TIAM1: variants seen among roughly 807,000 people sequenced by gnomAD.
TIAM1 encodes TIAM Rac1 associated GEF 1.
In TIAM1, 65 loss-of-function variants were observed where a neutral mutation model predicts 163.5. The observed-to-expected ratio is 0.40, with a 90% CI of 0.33 to 0.49. The LOEUF (loss-of-function observed/expected upper bound fraction) is 0.49, where lower values mean the gene tolerates loss of function less well. Among genes scored for constraint, TIAM1 ranks in the 20% least tolerant of loss-of-function variants. The pLI is 0.77. For synonymous variants in TIAM1, 833 were observed against 810.1 expected, an observed-to-expected ratio of 1.03 and a Z score of -0.48; for missense variants, 1,789 against 2,044.7, an observed-to-expected ratio of 0.87 and a Z score of 2.41.
In TIAM1 at chr21:31,245,606, C is replaced by T; in HGVS notation, c.1466G>A (p.Ser489Asn). ...SDGRSGIDHN[S>N]IPKHAVWVEN... ...CACCCAGACGGCGTGTTTGGGGATG[C>T]TGTTGTGGTCTATCCCAGACCTGCC... The change falls in exon 6 of 28, where the codon AGC becomes AAC. Residue 489 changes from serine to asparagine, a missense_variant. Ser to Asn is a conservative substitution (Grantham distance 46). Coordinates refer to ENST00000541036, the MANE Select transcript of TIAM1 (RefSeq NM_001353694.2). The T allele has an allele frequency of 6.2e-7, 1 of 1,605,968 alleles. No individual in the cohort carries two copies. Among genetic ancestry groups the T allele is most frequent in the Admixed American group, 1.7e-5 (1 of 58,800 alleles).
chr21:31,123,349 T>C (rs2082070171), intron 27 of TIAM1, among the ~76,000 whole-genome samples: 1 of 152,174 alleles, frequency 6.6e-6, no homozygotes, highest in Non-Finnish European at 1.5e-5. Context: ...AAGTGAGTTA[T>C]AAAGGACCAA....
intron 2 of TIAM1, among the ~76,000 whole-genome samples, chr21:31,423,091 T>C (rs1202231326): frequency 1.0e-3 from 3 of 2,906 alleles, no homozygotes; most frequent in African/African-American, 5.9e-3. Flanking sequence ...CAGCACTATC[T>C]TTTTTTTTTT....
rs2044542575 is a variant in TIAM1 at position 31,444,432 on chromosome 21, T to C, written c.-369+19551A>G. Among the ~76,000 whole-genome samples the C allele has an allele frequency of 2.0e-5, 3 of 151,548 alleles. No homozygotes were observed. The South Asian group carries it at 6.3e-4, about 32-fold the overall frequency. ...GGGTGAAATATCTAGAATGCCACGA[T>C]GGTTTTTAAGCATAAGGGGTTGGAT... is the stretch of plus-strand genomic sequence containing the variant. On this transcript the variant is annotated intron_variant, in intron 2 of 28. Coordinates refer to the TIAM1 transcript ENST00000286827.
At position 31,181,951 on chromosome 21, in the gene TIAM1, A is replaced by ATT. The variant is rs200013783; in HGVS notation, c.2887+468_2887+469dup. ...AGATGCTCTCCACTATGCCCAGCTC[A>ATT]TTTTTTTTTTTTTGGAGAGATAGAG... On this transcript the variant is annotated intron_variant, in intron 15 of 27. Transcript: ENST00000541036. Among the ~76,000 whole-genome samples the ATT allele has an allele frequency of 4.4e-3, 616 of 138,842 alleles. 5 individuals are homozygous for ATT. The highest frequency in any genetic ancestry group is 7.5e-3 in the Middle Eastern group (2 of 268). 91.1% of individuals were successfully genotyped at this position (138,842 alleles called of 152,430 possible).
chr21:31,255,569 C>A (rs2072052837), intron 4 of TIAM1, among the ~76,000 whole-genome samples: 1 of 152,198 alleles, frequency 6.6e-6, no homozygotes, highest in Non-Finnish European at 1.5e-5. Context: ...TGTAAACCTC[C>A]CCAGTCTTCC....
intron 1 of TIAM1, among the ~76,000 whole-genome samples, chr21:31,343,497 T>A (rs78500485): frequency 6.6e-6 from 1 of 152,084 alleles, no homozygotes; most frequent in Non-Finnish European, 1.5e-5. Context: ...TTTAAAAAAA[T>A]GATCCAGATA....
chr21:31,482,903 C>T (rs2046160902), intron 1 of TIAM1, among the ~76,000 whole-genome samples: 1 of 152,160 alleles, frequency 6.6e-6, no homozygotes, highest in Non-Finnish European at 1.5e-5. Flanking sequence ...AGCTACTGTG[C>T]CAGGCCCTGG....
intron 2 of TIAM1, chr21:31,463,878 A>G (rs2147355672): frequency 6.6e-6 from 1 of 152,182 alleles, no homozygotes; most frequent in Non-Finnish European, 1.5e-5. Context: ...GGGCTAGATA[A>G]TAGACAAATA....
intron 1 of TIAM1, among the ~76,000 whole-genome samples, chr21:31,473,526 GT>G (rs10707169): frequency 0.7 from 100,497 of 143,484 alleles, 34,998 homozygotes; most frequent in African/African-American, 0.73. Context: ...GGTTAATTTT[GT>G]TTTTTTTTGC....
intron 1 of TIAM1, among the ~76,000 whole-genome samples, chr21:31,521,888 T>G (rs2047607391): frequency 6.6e-6 from 1 of 152,130 alleles, no homozygotes; most frequent in African/African-American, 2.4e-5. Flanking sequence ...TTCTTTTTTT[T>G]GGAGACGGAG....
chr21:31,244,946 T>TAGC (rs2146716788), intron 6 of TIAM1, among the ~76,000 whole-genome samples: 1 of 152,280 alleles, frequency 6.6e-6, no homozygotes, highest in Non-Finnish European at 1.5e-5. Context: ...CTGAAGCAGT[T>TAGC]AGCAGAGAAG....
At chr21:31,229,149 G>T (rs766448876) in intron 6 of TIAM1, among the ~76,000 whole-genome samples, 9 of 152,290 alleles carry the variant, frequency 5.9e-5, no homozygotes, top group Non-Finnish European at 1.3e-4. Flanking sequence ...TGAGAGGGCA[G>T]GTTTTTTTGG....
chr21:31,245,428 GA>G, intron 6 of TIAM1, 59 bp downstream of exon 6: 2 of 843,538 alleles, frequency 2.4e-6, no homozygotes, highest in East Asian at 8.5e-5. Context: ...GCCTAGGCAA[GA>G]AAAGAAGGTA....
At chr21:31,304,155 T>C (rs985235132) in intron 2 of TIAM1, among the ~76,000 whole-genome samples, 1 of 152,146 alleles carries the variant, frequency 6.6e-6, no homozygotes, top group Non-Finnish European at 1.5e-5. Flanking sequence ...TATACTTCAC[T>C]TACTCCTCTA....
At chr21:31,229,600 C>T (rs545642642) in intron 6 of TIAM1, among the ~76,000 whole-genome samples, 2 of 152,004 alleles carry the variant, frequency 1.3e-5, no homozygotes, top group East Asian at 1.9e-4. Context: ...TTGTTTGTAT[C>T]GCTCAGTGGA....
chr21:31,271,361 A>AC, intron 3 of TIAM1, among the ~76,000 whole-genome samples: 1 of 152,362 alleles, frequency 6.6e-6, no homozygotes, highest in South Asian at 2.1e-4. Context: ...GAGACACAGC[A>AC]CACATCAGTC....
intron 2 of TIAM1, among the ~76,000 whole-genome samples, chr21:31,440,725 A>G (rs1293188788): frequency 1.3e-5 from 2 of 152,170 alleles, no homozygotes; most frequent in African/African-American, 4.8e-5. Context: ...TACTAAAAAT[A>G]CAAAAATTAG....
At chr21:31,265,968 G>A (rs757462709) in intron 4 of TIAM1, 42 bp downstream of exon 4, 1 of 1,596,596 alleles carries the variant, frequency 6.3e-7, no homozygotes, top group South Asian at 1.1e-5. Context: ...AAAGAGTCAT[G>A]CACCATTCCC....
intron 2 of TIAM1, among the ~76,000 whole-genome samples, chr21:31,455,279 C>CAAA (rs59134253): frequency 3.7e-4 from 31 of 83,990 alleles, no homozygotes; most frequent in African/African-American, 6.9e-4. Context: ...AACTCTGCCT[C>CAAA]AAAAAAAAAA....
Sources: allele counts gnomAD v4.1 joint callset (sites outside exome capture counted in the v4.1 genomes callset), GRCh38; gene constraint gnomAD v4.1.1; transcripts MANE v1.5; gene names NCBI Gene and HGNC (gene_info 2026-07-23, HGNC 2026-07-21).